The following PHTF2 variants were observed in gnomAD, a reference collection of about 807,000 sequenced individuals.
PHTF2 encodes putative homeodomain transcription factor 2.
A neutral mutation model predicts 101.2 loss-of-function variants in PHTF2; 60 were observed. That is an observed-to-expected ratio of 0.59 (90% CI 0.48 to 0.73). The LOEUF is 0.73. Ranked by LOEUF, PHTF2 falls within the 30% of genes least tolerant of loss-of-function variation. The pLI is 0.00. For synonymous variants in PHTF2, 311 were observed against 307.3 expected (o/e 1.01, Z -0.13); for missense variants, 747 against 908.7 (o/e 0.82, Z 2.29).
chr7:77,820,657 C>G (rs1794213578), intron 1 of PHTF2, among the ~76,000 whole-genome samples: 1 of 152,186 alleles, frequency 6.6e-6, no homozygotes, highest in Admixed American at 6.5e-5. Context: ...GGATTACAAG[C>G]ATGAGCCACT....
chr7:77,842,989 C>T (rs920654346), intron 2 of PHTF2, among the ~76,000 whole-genome samples: 1 of 152,146 alleles, frequency 6.6e-6, no homozygotes, highest in Non-Finnish European at 1.5e-5. Flanking sequence ...GATTTGCTGA[C>T]CCACACTCTA....
chr7:77,906,895 G>T (rs986489460), intron 7 of PHTF2, among the ~76,000 whole-genome samples: 3 of 144,570 alleles, frequency 2.1e-5, no homozygotes, highest in Admixed American at 1.4e-4. Context: ...GCAGCAGAGC[G>T]AGACTCCGTC....
chr7:77,816,877 C>T (rs1322057403), intron 1 of PHTF2, among the ~76,000 whole-genome samples: 1 of 152,182 alleles, frequency 6.6e-6, no homozygotes, highest in Admixed American at 6.5e-5. Flanking sequence ...CAGTTCCATC[C>T]ATGTTGCTGC....
rs187264231 is a variant in PHTF2 at position 77,952,960 on chromosome 7, A to G, written c.2212-809A>G. The stretch of plus-strand genomic sequence containing the variant: ...TGTCTCTCACTTATGCTTTTGATAC[A>G]CTGAACTCCTTACAGATATTCTTGC... On this transcript the variant is annotated intron_variant, in intron 18 of 19. Transcript: ENST00000416283. Among the ~76,000 whole-genome samples, 4 of 152,198 alleles carry G rather than the reference A, an allele frequency of 2.6e-5. No individual in the cohort carries two copies. The East Asian group carries it at 7.7e-4, about 29-fold the overall frequency.
At chr7:77,933,299 G>A (rs1804780079) in intron 12 of PHTF2, among the ~76,000 whole-genome samples, 1 of 152,204 alleles carries the variant, frequency 6.6e-6, no homozygotes, top group Admixed American at 6.5e-5. Context: ...CAGGAGAGGG[G>A]ATGATTGAAA....
intron 3 of PHTF2, among the ~76,000 whole-genome samples, chr7:77,861,681 G>T (rs903598167): frequency 1.3e-5 from 2 of 152,194 alleles, no homozygotes; most frequent in Admixed American, 1.3e-4. Flanking sequence ...CCAGCACTTT[G>T]GGAGGCCAAG....
chr7:77,952,239 TATTC>T (rs1806613565), intron 18 of PHTF2, among the ~76,000 whole-genome samples: 1 of 152,202 alleles, frequency 6.6e-6, no homozygotes, highest in Non-Finnish European at 1.5e-5. Flanking sequence ...CTGCTTACAA[TATTC>T]ATTATGTTTT....
At position 77,858,069 on chromosome 7, in the gene PHTF2, G is replaced by A. The variant is rs546924955; in HGVS notation, c.147+3235G>A. 3.3e-5 allele frequency among the ~76,000 whole-genome samples: 5 copies of A among 152,272 alleles called. No individual in the cohort carries two copies. The South Asian group carries it at 1.0e-3, about 32-fold the overall frequency. The stretch of plus-strand genomic sequence containing the variant: ...CATACAGCAAAATCATGATTAAATA[G>A]CACTTATAAACCTCAATTTTGCTTG... On this transcript the variant is annotated intron_variant, in intron 3 of 19. Coordinates refer to ENST00000416283, the Ensembl canonical transcript of PHTF2.
chr7:77,827,149 C>T (rs1584413253), intron 1 of PHTF2, among the ~76,000 whole-genome samples: 1 of 152,132 alleles, frequency 6.6e-6, no homozygotes. Flanking sequence ...GTTAAAATCA[C>T]TGTGGATTTA....
At chr7:77,913,280 T>C (rs980004992) in intron 9 of PHTF2, among the ~76,000 whole-genome samples, 1 of 151,460 alleles carries the variant, frequency 6.6e-6, no homozygotes, top group Admixed American at 6.6e-5. Context: ...CCCAGCTATT[T>C]GAGAGGCTAG....
chr7:77,940,278 T>C, exon 14 of PHTF2: 1 of 1,612,504 alleles, frequency 6.2e-7, no homozygotes, highest in South Asian at 1.1e-5. Flanking sequence ...TTTTGCTCTG[T>C]GTAGCAGAAA....
At chr7:77,806,284 T>A (rs1015753733) in intron 1 of PHTF2, among the ~76,000 whole-genome samples, 1 of 152,246 alleles carries the variant, frequency 6.6e-6, no homozygotes, top group African/African-American at 2.4e-5. Context: ...TCTATAAATG[T>A]GGACTTGCTG....
chr7:77,862,406 T>C (rs1357261455), intron 3 of PHTF2, among the ~76,000 whole-genome samples: 1 of 152,192 alleles, frequency 6.6e-6, no homozygotes, highest in Non-Finnish European at 1.5e-5. Flanking sequence ...TTCTATATAG[T>C]ATATAATTTA....
chr7:77,940,072 A>C lies in PHTF2; in HGVS notation c.1510A>C (p.Asn504His), dbSNP rs766340315. The C allele has an allele frequency of 1.4e-5, 22 of 1,613,342 alleles. No homozygotes were observed. The Admixed American group carries it at 3.7e-4, about 27-fold the overall frequency. ...AGGAATAGGATACCAGATTTTTGGA[A>C]ATGCAGTCTCTCTCATACTGGGTTT... Residue 504 changes from asparagine to histidine, a missense_variant, in exon 14 of 20, where the codon AAT (asparagine) becomes CAT (histidine). Around this residue, in one of 6 missense-constraint regions of PHTF2, gnomAD observed 349 missense variants for 369.7 expected, o/e 0.94. Coordinates refer to ENST00000416283, the Ensembl canonical transcript of PHTF2.
chr7:77,909,454 G>GAGCTGGACTGT, intron 8 of PHTF2: 1 of 151,680 alleles, frequency 6.6e-6, no homozygotes, highest in Admixed American at 6.6e-5. Flanking sequence ...TGGACCTCCT[G>GAGCTGGACTGT]GGCTCAAGTG....
intron 3 of PHTF2, among the ~76,000 whole-genome samples, chr7:77,870,245 T>A (rs1257307154): frequency 1.4e-5 from 2 of 144,016 alleles, no homozygotes; most frequent in African/African-American, 5.6e-5. Flanking sequence ...TTAATCCATT[T>A]TGTTTTTTTT....
intron 16 of PHTF2, among the ~76,000 whole-genome samples, chr7:77,949,021 A>T (rs1428355606): frequency 6.6e-6 from 1 of 152,220 alleles, no homozygotes; most frequent in African/African-American, 2.4e-5. Context: ...GAAATTGGCA[A>T]CAAAATATTA....
chr7:77,885,694 C>T (rs943557842), intron 3 of PHTF2, among the ~76,000 whole-genome samples: 2 of 152,156 alleles, frequency 1.3e-5, no homozygotes, highest in Non-Finnish European at 2.9e-5. Flanking sequence ...ATCTGCCTGC[C>T]TCGGCCTCCC....
At chr7:77,945,210 C>T (rs771245240) in intron 16 of PHTF2, among the ~76,000 whole-genome samples, 4 of 152,206 alleles carry the variant, frequency 2.6e-5, no homozygotes, top group Admixed American at 6.5e-5. Flanking sequence ...TGGTGGCTCG[C>T]GCCTGTAATC....
Sources: allele counts gnomAD v4.1 joint callset (sites outside exome capture counted in the v4.1 genomes callset), GRCh38; gene constraint gnomAD v4.1.1; regional missense constraint gnomAD v4.1.1; transcripts MANE v1.5; gene names NCBI Gene and HGNC (gene_info 2026-07-23, HGNC 2026-07-21).